The following PRPSAP2 variants were observed in gnomAD, a reference collection of about 807,000 sequenced individuals.
PRPSAP2 encodes the protein phosphoribosyl pyrophosphate synthetase associated protein 2.
Under a neutral mutation model 40.6 loss-of-function variants are expected in PRPSAP2, and 24 were observed. That is an observed-to-expected ratio of 0.59 (90% CI 0.43 to 0.83). PRPSAP2 has a LOEUF of 0.83. PRPSAP2 is among the 40% of genes least tolerant of loss of function. PRPSAP2 has a pLI of 0.00. For missense variants in PRPSAP2, 292 were observed against 465.6 expected (o/e 0.63, Z 3.43); for synonymous variants, 149 against 164.7 (o/e 0.90, Z 0.73).
intron 10 of PRPSAP2, chr17:18,928,410 C>A: frequency 4.1e-6 from 1 of 244,950 alleles, no homozygotes; most frequent in Non-Finnish European, 8.2e-6. Context: ...ACCCATAATT[C>A]TATTACCCAG....
rs184497452 is a variant in PRPSAP2, at chr17:18,858,970, C to T, written c.-129+709C>T. ...TTTGTCCATATTCCTTTCCTGCTGCCCTCGTGTGTACCATTATTACTCAGT... is the reference window on the plus strand; with the variant it reads ...TTTGTCCATATTCCTTTCCTGCTGCTCTCGTGTGTACCATTATTACTCAGT... On this transcript the variant is annotated intron_variant, in intron 1 of 11. Coordinates refer to ENST00000268835, the MANE Select transcript of PRPSAP2 (RefSeq NM_002767.4). Among the ~76,000 whole-genome samples the T allele has an allele frequency of 2.0e-5, 3 of 152,174 alleles. No homozygotes were observed. In the East Asian group the frequency reaches 5.8e-4, roughly 29 times the overall value.
rs754079118 is a variant in PRPSAP2, at chr17:18,908,085, G to A, written c.585-3018G>A. Among the ~76,000 whole-genome samples, 10 of 152,218 alleles carry A rather than the reference G, an allele frequency of 6.6e-5. No homozygotes were observed. In the East Asian group the frequency reaches 1.7e-3, roughly 26 times the overall value. On this transcript the variant is annotated intron_variant, in intron 8 of 11. Transcript: ENST00000268835. ...CCAGAGGTGGAGGCTGCAGTGAGCC[G>A]AGATCATGTGACCGCACTAGCCAAG...
intron 8 of PRPSAP2, among the ~76,000 whole-genome samples, chr17:18,891,593 A>C (rs2039547386): frequency 6.6e-6 from 1 of 152,262 alleles, no homozygotes. Context: ...GTGAAAAATC[A>C]CATAATATAC....
chr17:18,919,774 A>G (rs932913420), intron 9 of PRPSAP2, among the ~76,000 whole-genome samples: 4 of 152,224 alleles, frequency 2.6e-5, no homozygotes, highest in African/African-American at 9.6e-5. Flanking sequence ...GATCAGAAAG[A>G]GAAAGCGACT....
chr17:18,927,637 T>C (rs1403738233), intron 10 of PRPSAP2, among the ~76,000 whole-genome samples: 1 of 152,208 alleles, frequency 6.6e-6, no homozygotes, highest in Non-Finnish European at 1.5e-5. Context: ...AGAGTTTTAA[T>C]TTCTCTGGGA....
At position 18,928,728 on chromosome 17, in the gene PRPSAP2, G is replaced by T. The variant is rs188247143; in HGVS notation, c.805-83G>T. 1.3e-4 allele frequency: 208 copies of T among 1,571,348 alleles called. 2 individuals carry two copies. In the East Asian group the frequency reaches 2.9e-3, roughly 22 times the overall value. ...AGCAGATTTTTCACGGTAAATGTAG[G>T]CAGACCCTTTTTTTTTCCTGGTTGT... On this transcript the variant is annotated intron_variant, in intron 10 of 11. Transcript: ENST00000268835.
chr17:18,868,400 G>T (rs1231586169), intron 4 of PRPSAP2, among the ~76,000 whole-genome samples: 1 of 151,940 alleles, frequency 6.6e-6, no homozygotes, highest in African/African-American at 2.4e-5. Flanking sequence ...GCTTGAACCC[G>T]GGCGGTGGAG....
At chr17:18,899,661 T>C (rs2040147303) in intron 8 of PRPSAP2, among the ~76,000 whole-genome samples, 1 of 149,732 alleles carries the variant, frequency 6.7e-6, no homozygotes, top group Non-Finnish European at 1.5e-5. Flanking sequence ...CCCAAGAAGC[T>C]GGGACTACAG....
At chr17:18,864,317 G>A (rs186194215) in intron 1 of PRPSAP2, among the ~76,000 whole-genome samples, 9 of 150,404 alleles carry the variant, frequency 6.0e-5, no homozygotes, top group East Asian at 5.9e-4. Context: ...TTTCTGAGAC[G>A]GAGTCTCGCT....
chr17:18,914,044 C>T (rs942156994), intron 9 of PRPSAP2, among the ~76,000 whole-genome samples: 4 of 151,304 alleles, frequency 2.6e-5, no homozygotes. Context: ...CATGGTGGTG[C>T]GTGCCTTAAA....
intron 4 of PRPSAP2, among the ~76,000 whole-genome samples, chr17:18,872,351 T>C (rs2037955227): frequency 6.6e-6 from 1 of 152,082 alleles, no homozygotes; most frequent in African/African-American, 2.4e-5. Flanking sequence ...GTGAGAATTA[T>C]ACATTTACTT....
chr17:18,905,657 G>A (rs1451400471), intron 8 of PRPSAP2, among the ~76,000 whole-genome samples: 23 of 151,448 alleles, frequency 1.5e-4, no homozygotes, highest in Admixed American at 1.5e-3. Flanking sequence ...TCGGCTCACC[G>A]CAATCTCCGC....
chr17:18,929,677 A>G (rs2042157922), intron 11 of PRPSAP2: 3 of 152,246 alleles, frequency 2.0e-5, no homozygotes, highest in African/African-American at 2.4e-5. Context: ...ATGTTGGAGC[A>G]TGAATCAATA....
At chr17:18,894,159 C>CT (rs1044892454) in intron 8 of PRPSAP2, among the ~76,000 whole-genome samples, 32 of 147,782 alleles carry the variant, frequency 2.2e-4, no homozygotes, top group East Asian at 2.0e-4. Flanking sequence ...GCCTCTATAG[C>CT]TTTTTTTTTT....
At chr17:18,876,176 A>G (rs947162850) in intron 5 of PRPSAP2, among the ~76,000 whole-genome samples, 2 of 152,194 alleles carry the variant, frequency 1.3e-5, no homozygotes, top group Non-Finnish European at 2.9e-5. Context: ...TGTCAGATAC[A>G]TCTTATACTT....
At chr17:18,917,572 ATTATTATTATTATTTTTTTTTTT>A (rs2041405810) in intron 9 of PRPSAP2, 1 of 29,364 alleles carries the variant, frequency 3.4e-5, no homozygotes, top group African/African-American at 1.3e-4. Flanking sequence ...TATTATTATT[ATTATTATTATTATTTTTTTTTTT>A]TTTTTTTTTT....
chr17:18,891,380 C>T (rs1406255673), intron 8 of PRPSAP2, among the ~76,000 whole-genome samples: 1 of 152,170 alleles, frequency 6.6e-6, no homozygotes, highest in East Asian at 1.9e-4. Context: ...ACTTTCCCAA[C>T]CCAGCCGGGC....
chr17:18,873,939 C>G (rs907909035), intron 5 of PRPSAP2, among the ~76,000 whole-genome samples: 1 of 151,396 alleles, frequency 6.6e-6, no homozygotes, highest in Non-Finnish European at 1.5e-5. Context: ...GAGTCTTGCT[C>G]TGTTGTCCAG....
At chr17:18,910,155 C>G (rs888040815) in intron 8 of PRPSAP2, among the ~76,000 whole-genome samples, 1 of 151,980 alleles carries the variant, frequency 6.6e-6, no homozygotes, top group South Asian at 2.1e-4. Flanking sequence ...GCAAGTGGCT[C>G]ACACCTGTAA....
Sources: allele counts gnomAD v4.1 joint callset (sites outside exome capture counted in the v4.1 genomes callset), GRCh38; gene constraint gnomAD v4.1.1; transcripts MANE v1.5; gene names NCBI Gene and HGNC (gene_info 2026-07-23, HGNC 2026-07-21).